Variants in CA10 observed in about 807,000 individuals in gnomAD.
The protein encoded by CA10 is carbonic anhydrase 10 (inactive), also known as carbonic anhydrase-related protein 10.
In CA10, 14 loss-of-function variants were observed where a neutral mutation model predicts 44.2. The observed-to-expected ratio is 0.32, with a 90% confidence interval of 0.21 to 0.50. The LOEUF (loss-of-function observed/expected upper bound fraction) is 0.50. Among genes scored for constraint, CA10 ranks in the 20% least tolerant of loss-of-function variants. The pLI, the probability that CA10 is intolerant of heterozygous loss-of-function variation, is 0.99. For missense variants in CA10, 350 were observed against 409.7 expected, an observed-to-expected ratio of 0.85 and a Z score of 1.26; for synonymous variants, 159 against 141.6, an observed-to-expected ratio of 1.12 and a Z score of -0.87.
In CA10 at chr17:52,008,420, T is replaced by G. The variant is rs1451249471; in HGVS notation, c.136+63899A>C. 3.3e-5 allele frequency among the ~76,000 whole-genome samples: 5 copies of G among 151,854 alleles called. No homozygotes were observed. The South Asian group carries it at 1.0e-3, about 31-fold the overall frequency. Reference sequence around the variant, plus strand: ...AGACAACAATCACTAGGGAATGGGGTGCGTAAAGTATTTAATGTATAATTG... The same window carrying G: ...AGACAACAATCACTAGGGAATGGGGGGCGTAAAGTATTTAATGTATAATTG... On this transcript the variant is annotated intron_variant, in intron 2 of 8. Coordinates refer to ENST00000451037, the MANE Select transcript of CA10 (RefSeq NM_020178.5).
chr17:52,124,930 G>A lies in CA10; in HGVS notation c.61+32796C>T, dbSNP rs117839833. On this transcript the variant is annotated intron_variant, in intron 1 of 8. Coordinates refer to ENST00000451037, the MANE Select transcript of CA10 (RefSeq NM_020178.5). ...GGCAGTCAAGGCCCTTCATGATCTA[G>A]ATCTTGCTTACATCTTCAGTGTTTT... Among the ~76,000 whole-genome samples the A allele has an allele frequency of 3.6e-3, 554 of 152,290 alleles. 3 individuals are homozygous for A. The highest frequency in any genetic ancestry group is 6.1e-3 in the Non-Finnish European group (416 of 68,022).
chr17:52,042,064 G>A (rs368955972), intron 2 of CA10, among the ~76,000 whole-genome samples: 6 of 152,164 alleles, frequency 3.9e-5, no homozygotes, highest in African/African-American at 1.4e-4. Flanking sequence ...ACATGACACT[G>A]CTGGCATCTT....
intron 3 of CA10, among the ~76,000 whole-genome samples, chr17:51,789,627 C>T (rs925071778): frequency 6.6e-6 from 1 of 152,166 alleles, no homozygotes; most frequent in African/African-American, 2.4e-5. Context: ...TCTGCCCACT[C>T]TTGCCTCCAC....
intron 3 of CA10, among the ~76,000 whole-genome samples, chr17:51,824,485 C>G (rs1907934789): frequency 6.6e-6 from 1 of 152,178 alleles, no homozygotes; most frequent in Non-Finnish European, 1.5e-5. Flanking sequence ...CTTAAAATAA[C>G]TTGTAATGTA....
chr17:51,851,230 A>G (rs1978780701), intron 3 of CA10, among the ~76,000 whole-genome samples: 2 of 152,226 alleles, frequency 1.3e-5, no homozygotes. Flanking sequence ...AGGCTGGACA[A>G]GCTTCATAGG....
At chr17:51,731,378 GA>G (rs1437449678) in intron 4 of CA10, among the ~76,000 whole-genome samples, 4 of 151,696 alleles carry the variant, frequency 2.6e-5, no homozygotes, top group African/African-American at 7.3e-5. Context: ...TCCGTCTCAA[GA>G]AAAAAAGAAA....
chr17:52,067,751 A>G (rs562616665), intron 2 of CA10, among the ~76,000 whole-genome samples: 25 of 152,300 alleles, frequency 1.6e-4, no homozygotes, highest in African/African-American at 5.8e-4. Flanking sequence ...ACACAGAGTC[A>G]AAGGAGATCA....
At chr17:52,121,019 T>A (rs1989004233) in intron 1 of CA10, among the ~76,000 whole-genome samples, 1 of 152,224 alleles carries the variant, frequency 6.6e-6, no homozygotes, top group Admixed American at 6.5e-5. Flanking sequence ...GATGACTACA[T>A]ATTAACCTGG....
At chr17:52,147,942 A>C (rs984194508) in intron 1 of CA10, among the ~76,000 whole-genome samples, 3 of 152,182 alleles carry the variant, frequency 2.0e-5, no homozygotes, top group African/African-American at 4.8e-5. Context: ...ATCTCCTCAC[A>C]GTTGTAAAGA....
chr17:51,635,800 A>AT lies in CA10; in HGVS notation c.789+54dup, dbSNP rs542366566. ...ATAATAGGCACTCCACATTTCAGTG[A>AT]TTTTTTTTTAACATCATTCTTCTCC... On this transcript the variant is annotated intron_variant, in intron 7 of 8. Coordinates refer to ENST00000451037, the MANE Select transcript of CA10 (RefSeq NM_020178.5). The AT allele has an allele frequency of 1.7e-3, 2,296 of 1,374,364 alleles. 15 individuals are homozygous for AT. In the African/African-American group the frequency reaches 0.023, roughly 14 times the overall value. 85.1% of individuals were successfully genotyped at this position (1,374,364 alleles called of 1,614,324 possible). A position where few individuals can be genotyped will look rare whatever the true frequency, so the allele number is the denominator to read the frequency against.
intron 2 of CA10, among the ~76,000 whole-genome samples, chr17:52,027,141 G>A (rs1337643485): frequency 1.3e-4 from 20 of 151,990 alleles, no homozygotes; most frequent in Admixed American, 1.3e-3. Context: ...TTATCATAAG[G>A]AGCATGCAAC....
intron 2 of CA10, among the ~76,000 whole-genome samples, chr17:51,999,856 G>A (rs1393798161): frequency 6.6e-6 from 1 of 151,910 alleles, no homozygotes; most frequent in Non-Finnish European, 1.5e-5. Context: ...TGTTTATCCA[G>A]CACCCACAAT....
chr17:51,800,629 CATT>C (rs1906891640), intron 3 of CA10, among the ~76,000 whole-genome samples: 1 of 151,936 alleles, frequency 6.6e-6, no homozygotes, highest in Non-Finnish European at 1.5e-5. Context: ...TAAGAGACAC[CATT>C]ATTTAATATA....
In CA10 at chr17:52,005,618, A is replaced by G. The variant is rs373170221; in HGVS notation, c.136+66701T>C. Among the ~76,000 whole-genome samples the G allele has an allele frequency of 2.0e-4, 31 of 152,074 alleles. 2 individuals are homozygous for G. In the South Asian group the frequency reaches 6.4e-3, roughly 32 times the overall value. ...GGAGAACAGCTGTCAAAGCCATTTC[A>G]TGGATTGACAATTCTTTACCAGACT... On this transcript the variant is annotated intron_variant, in intron 2 of 8. Coordinates refer to ENST00000451037, the MANE Select transcript of CA10 (RefSeq NM_020178.5).
intron 3 of CA10, among the ~76,000 whole-genome samples, chr17:51,889,441 C>G (rs1264035571): frequency 1.3e-5 from 2 of 152,060 alleles, no homozygotes; most frequent in East Asian, 3.9e-4. Flanking sequence ...GGAGGATCAC[C>G]CAAACCTGGG....
intron 2 of CA10, among the ~76,000 whole-genome samples, chr17:52,023,533 A>G (rs1436014777): frequency 6.6e-6 from 1 of 152,166 alleles, no homozygotes; most frequent in Non-Finnish European, 1.5e-5. Flanking sequence ...AACCTAAGAA[A>G]TACCCTAATG....
At chr17:51,789,877 G>C (rs936630969) in intron 3 of CA10, among the ~76,000 whole-genome samples, 1 of 152,226 alleles carries the variant, frequency 6.6e-6, no homozygotes, top group Non-Finnish European at 1.5e-5. Flanking sequence ...AGGAGATATT[G>C]TGGAGATGGC....
rs375676352 is a variant in CA10, at chr17:51,931,142, A to G, written c.137-10T>C. On this transcript the variant is annotated splice_polypyrimidine_tract_variant and intron_variant, in intron 2 of 8. Coordinates refer to ENST00000451037, the MANE Select transcript of CA10 (RefSeq NM_020178.5). ...CCCCAGAAAGAAGGAACTAGAAACAAAAAGAAATTATAGAATTAGGCTGAG... is the reference window on the plus strand; with the variant it reads ...CCCCAGAAAGAAGGAACTAGAAACAGAAAGAAATTATAGAATTAGGCTGAG... The G allele has an allele frequency of 2.5e-6, 4 of 1,612,922 alleles. No homozygotes were observed. In the African/African-American group the frequency reaches 5.3e-5, roughly 22 times the overall value.
intron 2 of CA10, among the ~76,000 whole-genome samples, chr17:51,985,102 T>C (rs1449806265): frequency 6.6e-6 from 1 of 151,984 alleles, no homozygotes; most frequent in Non-Finnish European, 1.5e-5. Context: ...TGAACACATA[T>C]GTTAAAATCC....
Sources: allele counts gnomAD v4.1 joint callset (sites outside exome capture counted in the v4.1 genomes callset), GRCh38; gene constraint gnomAD v4.1.1; transcripts MANE v1.5; gene names NCBI Gene and HGNC (gene_info 2026-07-23, HGNC 2026-07-21).